DCC: variants seen among roughly 807,000 people sequenced by gnomAD.
DCC encodes netrin receptor DCC.
DCC carries 58 observed loss-of-function variants against 172.5 expected under a neutral mutation model. The ratio of observed to expected loss-of-function variants is 0.34; its 90% confidence interval spans 0.27 to 0.42. The LOEUF is 0.42. DCC is among the 10% of genes least tolerant of loss of function. The pLI is 1.00. For synonymous variants in DCC, 709 were observed against 644.5 expected (o/e 1.10, Z -1.52); for missense variants, 1,740 against 1,791.0 (o/e 0.97, Z 0.51).
intron 2 of DCC, among the ~76,000 whole-genome samples, chr18:52,785,105 C>A (rs913589074): frequency 2.6e-5 from 4 of 151,968 alleles, no homozygotes; most frequent in Non-Finnish European, 5.9e-5. Context: ...AGACTGGTCA[C>A]CCCAACCTAG....
intron 1 of DCC, among the ~76,000 whole-genome samples, chr18:52,643,123 G>A (rs1202481590): frequency 6.6e-6 from 1 of 152,158 alleles, no homozygotes; most frequent in East Asian, 1.9e-4. Flanking sequence ...ATGTTCTATA[G>A]TTAAAAAGCT....
intron 1 of DCC, among the ~76,000 whole-genome samples, chr18:52,613,431 A>C (rs113679886): frequency 1.3e-5 from 2 of 151,422 alleles, no homozygotes; most frequent in African/African-American, 4.9e-5. Flanking sequence ...AATTTTTTGT[A>C]TTTTTAGTAG....
chr18:52,964,860 A>G (rs2040903624), intron 5 of DCC, among the ~76,000 whole-genome samples: 1 of 152,128 alleles, frequency 6.6e-6, no homozygotes, highest in South Asian at 2.1e-4. Flanking sequence ...TCTAGGGGAA[A>G]ATCCATTTTT....
intron 15 of DCC, among the ~76,000 whole-genome samples, chr18:53,378,249 G>A (rs12606436): frequency 0.091 from 13,787 of 152,094 alleles, 808 homozygotes; most frequent in East Asian, 0.21. Flanking sequence ...GTGTGAGCCC[G>A]ACCCTGATTT....
chr18:53,446,929 G>T (rs1912647516), intron 22 of DCC, among the ~76,000 whole-genome samples: 1 of 152,146 alleles, frequency 6.6e-6, no homozygotes, highest in African/African-American at 2.4e-5. Flanking sequence ...AACACAATAA[G>T]GGTGTGGTGT....
chr18:53,152,991 A>G (rs2054667509), intron 7 of DCC, among the ~76,000 whole-genome samples: 1 of 152,172 alleles, frequency 6.6e-6, no homozygotes, highest in Non-Finnish European at 1.5e-5. Flanking sequence ...TAAGGAGAAA[A>G]GAGGGAGGAG....
intron 3 of DCC, among the ~76,000 whole-genome samples, chr18:52,907,547 G>T (rs545619050): frequency 1.3e-5 from 2 of 151,920 alleles, no homozygotes; most frequent in Non-Finnish European, 2.9e-5. Flanking sequence ...CTCAGTAGCT[G>T]GGACCACAGA....
chr18:52,415,025 A>G (rs1166714051), intron 1 of DCC, among the ~76,000 whole-genome samples: 5 of 152,244 alleles, frequency 3.3e-5, no homozygotes, highest in African/African-American at 4.8e-5. Context: ...TCTACATTCT[A>G]CATATGCTAA....
chr18:52,947,242 T>C (rs1452424196), intron 5 of DCC, among the ~76,000 whole-genome samples: 2 of 152,210 alleles, frequency 1.3e-5, no homozygotes, highest in African/African-American at 4.8e-5. Context: ...CATCTTTAAT[T>C]TGTAAAAACT....
intron 26 of DCC, among the ~76,000 whole-genome samples, chr18:53,494,087 C>A (rs562816140): frequency 6.6e-6 from 1 of 152,090 alleles, no homozygotes; most frequent in South Asian, 2.1e-4. Context: ...GTTATTTACC[C>A]AGTAGTCATT....
chr18:52,480,031 C>T (rs1410588632), intron 1 of DCC, among the ~76,000 whole-genome samples: 5 of 152,146 alleles, frequency 3.3e-5, no homozygotes, highest in African/African-American at 1.2e-4. Flanking sequence ...CTTGACAACA[C>T]AGTCACATTT....
At chr18:52,688,668 CTG>C (rs1246689555) in intron 1 of DCC, among the ~76,000 whole-genome samples, 2 of 151,902 alleles carry the variant, frequency 1.3e-5, no homozygotes, top group African/African-American at 4.8e-5. Flanking sequence ...AAAAGGGTAA[CTG>C]TATGAAATGA....
intron 10 of DCC, among the ~76,000 whole-genome samples, chr18:53,206,492 T>TATAC: frequency 7.1e-6 from 1 of 141,096 alleles, no homozygotes; most frequent in Admixed American, 7.4e-5. Context: ...ATATAATGTA[T>TATAC]ATGTATTACA....
chr18:52,347,687 C>T (rs975732721), intron 1 of DCC, among the ~76,000 whole-genome samples: 14 of 152,066 alleles, frequency 9.2e-5, no homozygotes, highest in East Asian at 7.7e-4. Flanking sequence ...AAAACAGCAC[C>T]TGAATCCCTT....
intron 2 of DCC, among the ~76,000 whole-genome samples, chr18:52,873,330 C>A (rs1314934936): frequency 6.6e-6 from 1 of 152,152 alleles, no homozygotes; most frequent in Non-Finnish European, 1.5e-5. Context: ...GAACCTCAGC[C>A]ATAGGCTCAG....
chr18:52,803,570 T>C (rs1672116333), intron 2 of DCC, among the ~76,000 whole-genome samples: 1 of 152,228 alleles, frequency 6.6e-6, no homozygotes, highest in Non-Finnish European at 1.5e-5. Context: ...ATATATTATA[T>C]ACATTTAGAG....
rs570022064 is a variant in DCC at position 53,294,734 on chromosome 18, G to T, written c.1912-10844G>T. Among the ~76,000 whole-genome samples the T allele has an allele frequency of 2.6e-5, 4 of 152,230 alleles. No individual in the cohort carries two copies. In the South Asian group the frequency reaches 8.3e-4, roughly 32 times the overall value. On this transcript the variant is annotated intron_variant, in intron 12 of 28. Coordinates refer to ENST00000442544, the MANE Select transcript of DCC (RefSeq NM_005215.4). Reference sequence around the variant, plus strand: ...GGACCCAAATCAAAGTAGATGATTTGATTTGAAGTTGAACAATCTGAGAAA... The same window carrying T: ...GGACCCAAATCAAAGTAGATGATTTTATTTGAAGTTGAACAATCTGAGAAA...
intron 1 of DCC, among the ~76,000 whole-genome samples, chr18:52,346,196 A>T (rs936864895): frequency 6.6e-6 from 1 of 152,238 alleles, no homozygotes; most frequent in African/African-American, 2.4e-5. Context: ...CCAATAAAAA[A>T]TGTGCAAGAT....
chr18:53,355,484 C>A (rs1430548906), intron 15 of DCC, among the ~76,000 whole-genome samples: 1 of 152,084 alleles, frequency 6.6e-6, no homozygotes, highest in Non-Finnish European at 1.5e-5. Flanking sequence ...TGAAGAGGTC[C>A]TTCACATCCC....
Sources: allele counts gnomAD v4.1 joint callset (sites outside exome capture counted in the v4.1 genomes callset), GRCh38; gene constraint gnomAD v4.1.1; transcripts MANE v1.5; gene names NCBI Gene and HGNC (gene_info 2026-07-23, HGNC 2026-07-21).